VPS54: variants seen among roughly 807,000 people sequenced by gnomAD.
VPS54 encodes the protein VPS54 subunit of GARP complex.
A neutral mutation model predicts 121.5 loss-of-function variants in VPS54; 45 were observed. The ratio of observed to expected loss-of-function variants is 0.37; its 90% CI spans 0.29 to 0.47. The LOEUF (loss-of-function observed/expected upper bound fraction) is 0.47. VPS54 is among the 20% of genes least tolerant of loss of function. The pLI, the probability that VPS54 is intolerant of heterozygous loss-of-function variation, is 0.99. For missense variants in VPS54, 1,090 were observed against 1,131.4 expected (o/e 0.96, Z 0.52); for synonymous variants, 371 against 385.8 (o/e 0.96, Z 0.45).
rs775451071 is a variant in VPS54 at position 64,004,587 on chromosome 2, TAATCC to T, written c.-21+14346_-21+14350del. Among the ~76,000 whole-genome samples the T allele has an allele frequency of 6.6e-5, 10 of 152,328 alleles. No homozygotes were observed. In the East Asian group the frequency reaches 9.6e-4, roughly 15 times the overall value. ...ATGAAATAGTCTCTTCAAAAATGTTTAATCCAATCCAATCCAATCCAATCTCTAGA... is the reference window on the plus strand; with the variant it reads ...ATGAAATAGTCTCTTCAAAAATGTTTAATCCAATCCAATCCAATCTCTAGA... On this transcript the variant is annotated intron_variant, in intron 1 of 22. Transcript: ENST00000272322.
chr2:63,996,831 C>A (rs1677619363), intron 1 of VPS54, among the ~76,000 whole-genome samples: 1 of 152,186 alleles, frequency 6.6e-6, no homozygotes, highest in Non-Finnish European at 1.5e-5. Context: ...ATTAGTAATT[C>A]TAGTTTTGCC....
intron 3 of VPS54, chr2:63,974,869 A>T: frequency 8.6e-7 from 1 of 1,164,360 alleles, no homozygotes; most frequent in East Asian, 2.7e-5. Context: ...CGATCATTTC[A>T]TCTGGAAACA....
chr2:64,003,094 AC>A (rs1677961113), intron 1 of VPS54, among the ~76,000 whole-genome samples: 2 of 152,238 alleles, frequency 1.3e-5, no homozygotes, highest in Admixed American at 1.3e-4. Flanking sequence ...AGGCTAAAGA[AC>A]AAAAATGATG....
At chr2:63,938,635 T>A (rs1298881330) in intron 11 of VPS54, among the ~76,000 whole-genome samples, 1 of 152,168 alleles carries the variant, frequency 6.6e-6, no homozygotes. Context: ...CAGCTGATTT[T>A]TGTATTATTA....
chr2:63,913,788 A>G (rs1673256862), intron 17 of VPS54: 1 of 956,828 alleles, frequency 1.0e-6, no homozygotes, highest in South Asian at 4.3e-5. Context: ...TTTTATATCA[A>G]TGGTTCTGAA....
chr2:63,906,547 G>C (rs1216915232), intron 20 of VPS54, among the ~76,000 whole-genome samples: 3 of 152,156 alleles, frequency 2.0e-5, no homozygotes, highest in Non-Finnish European at 2.9e-5. Context: ...AGTGGTGTGT[G>C]GTAAACATTT....
rs1439236925 is a variant in VPS54, at chr2:64,019,226, C to T, written c.-309G>A. Among the ~76,000 whole-genome samples, 1 of 150,380 alleles carries T rather than the reference C, an allele frequency of 6.6e-6. No individual in the cohort carries two copies. Among genetic ancestry groups the T allele is most frequent in the African/African-American group, 2.4e-5 (1 of 41,246 alleles). ...CCAGCAGTTTCCCCCGGGTCCGCAGCGCCGCCTCCGCCGCTGCTGCCACCG... is the reference window on the plus strand; with the variant it reads ...CCAGCAGTTTCCCCCGGGTCCGCAGTGCCGCCTCCGCCGCTGCTGCCACCG... On this transcript the variant is annotated 5_prime_UTR_variant, in exon 1 of 23. Transcript: ENST00000272322.
chr2:63,920,230 G>T (rs1673580526), intron 14 of VPS54, among the ~76,000 whole-genome samples: 1 of 152,042 alleles, frequency 6.6e-6, no homozygotes, highest in Non-Finnish European at 1.5e-5. Flanking sequence ...TCAACTTACT[G>T]AGGATCTTCC....
At chr2:63,944,223 C>T (rs1674870431) in intron 10 of VPS54, among the ~76,000 whole-genome samples, 1 of 152,102 alleles carries the variant, frequency 6.6e-6, no homozygotes, top group Non-Finnish European at 1.5e-5. Flanking sequence ...ATGTTCTGTC[C>T]CTGTCCATCC....
intron 11 of VPS54, among the ~76,000 whole-genome samples, chr2:63,936,591 C>G (rs142035216): frequency 2.2e-4 from 33 of 152,148 alleles, no homozygotes; most frequent in African/African-American, 8.0e-4. Flanking sequence ...AATTTAAAAG[C>G]TAAGAATTCC....
intron 20 of VPS54, among the ~76,000 whole-genome samples, chr2:63,905,775 C>A (rs1672881033): frequency 6.6e-6 from 1 of 152,016 alleles, no homozygotes; most frequent in Non-Finnish European, 1.5e-5. Flanking sequence ...TACCCCTCCA[C>A]CACACAAAAA....
chr2:63,942,226 T>C (rs59985181), intron 11 of VPS54, among the ~76,000 whole-genome samples: 3,259 of 152,098 alleles, frequency 0.021, 43 homozygotes, highest in East Asian at 0.076. Context: ...CTGTATAATA[T>C]TTAATGTAAA....
intron 12 of VPS54, among the ~76,000 whole-genome samples, chr2:63,928,754 T>A (rs748660505): frequency 5.2e-4 from 78 of 149,358 alleles, no homozygotes; most frequent in Admixed American, 2.6e-3. Context: ...TGTGCTACAT[T>A]CAGGAGACCC....
Position 63,927,602 on chromosome 2 carries a change from C to T in VPS54, c.1739+6071G>A, listed in dbSNP as rs373334256. 1.1e-4 allele frequency among the ~76,000 whole-genome samples: 17 copies of T among 152,200 alleles called. 1 individual carries two copies. The East Asian group carries it at 1.3e-3, about 12-fold the overall frequency. On this transcript the variant is annotated intron_variant, in intron 12 of 22. Transcript: ENST00000272322. ...GACTCCAAAAGCCAGAATACCTCTT[C>T]TCCTCCAAAGGAACACAAATCCTCA...
intron 1 of VPS54, among the ~76,000 whole-genome samples, chr2:64,016,279 G>A (rs1013999519): frequency 6.6e-6 from 1 of 152,164 alleles, no homozygotes; most frequent in South Asian, 2.1e-4. Context: ...CAACCAAAAA[G>A]TGTATCAGTT....
At chr2:64,014,135 C>CA (rs745663569) in intron 1 of VPS54, among the ~76,000 whole-genome samples, 13 of 151,982 alleles carry the variant, frequency 8.6e-5, no homozygotes, top group Non-Finnish European at 1.6e-4. Flanking sequence ...AGCAGGCTTA[C>CA]AACCCCTATT....
intron 20 of VPS54, among the ~76,000 whole-genome samples, chr2:63,900,752 GTTTT>G (rs70965150): frequency 1.7e-4 from 25 of 151,370 alleles, no homozygotes; most frequent in African/African-American, 5.3e-4. Flanking sequence ...CTCAAATCTG[GTTTT>G]TTTTGTTTGT....
intron 20 of VPS54, among the ~76,000 whole-genome samples, chr2:63,903,837 A>G (rs1032929555): frequency 2.6e-5 from 4 of 152,112 alleles, no homozygotes; most frequent in Admixed American, 6.6e-5. Context: ...AAAGGGGAAA[A>G]TCAGTCAAAG....
At chr2:63,971,836 G>A (rs1419403945) in intron 4 of VPS54, among the ~76,000 whole-genome samples, 1 of 152,006 alleles carries the variant, frequency 6.6e-6, no homozygotes, top group Admixed American at 6.6e-5. Context: ...AAACTCATAG[G>A]CTCAAGCAAT....
Sources: gnomAD v4.1 joint callset for allele counts (sites outside exome capture counted in the v4.1 genomes callset) on GRCh38, gnomAD v4.1.1 for gene constraint, MANE v1.5 for transcripts, NCBI Gene and HGNC (gene_info 2026-07-23, HGNC 2026-07-21) for gene names.